LIN9: variants seen among roughly 807,000 people sequenced by gnomAD.
LIN9 encodes the protein lin-9 DREAM MuvB core complex component, also known as protein lin-9 homolog.
In LIN9, 18 loss-of-function variants were observed where a neutral mutation model predicts 78.0. That is an observed-to-expected ratio of 0.23 (90% CI 0.16 to 0.34). LIN9 has a LOEUF of 0.34. Among genes scored for constraint, LIN9 ranks in the 10% least tolerant of loss-of-function variants. LIN9 has a pLI of 1.00. For missense variants in LIN9, 451 were observed against 644.1 expected, an observed-to-expected ratio of 0.70 and a Z score of 3.25; for synonymous variants, 192 against 215.2, an observed-to-expected ratio of 0.89 and a Z score of 0.94.
At chr1:226,302,639 T>A (rs1378583763) in intron 1 of LIN9, among the ~76,000 whole-genome samples, 2 of 151,406 alleles carry the variant, frequency 1.3e-5, no homozygotes, top group East Asian at 3.9e-4. Flanking sequence ...GATGTATACA[T>A]TGCAAAGTCC....
At chr1:226,290,539 A>G (rs963215318) in intron 4 of LIN9, among the ~76,000 whole-genome samples, 1 of 151,380 alleles carries the variant, frequency 6.6e-6, no homozygotes, top group Admixed American at 6.6e-5. Flanking sequence ...ACGGGGTTTC[A>G]CCGTGTTAGC....
At chr1:226,238,489 G>A (rs956224080) in intron 12 of LIN9, among the ~76,000 whole-genome samples, 1 of 151,940 alleles carries the variant, frequency 6.6e-6, no homozygotes, top group Non-Finnish European at 1.5e-5. Context: ...TGGGCATGTC[G>A]TGCACCTGTG....
At chr1:226,269,956 C>G (rs1205708214) in intron 7 of LIN9, among the ~76,000 whole-genome samples, 1 of 152,160 alleles carries the variant, frequency 6.6e-6, no homozygotes, top group Non-Finnish European at 1.5e-5. Flanking sequence ...GGGAGTCTCG[C>G]TCCGTTGCCC....
At position 226,309,074 on chromosome 1, in the gene LIN9, G is replaced by A; in HGVS notation, c.31+35C>T. ...TGCAACCGCTGGGCAAGCAGCAGGC[G>A]GGAAAAGGGGGGGGTGCTTTGAGGT... On this transcript the variant is annotated intron_variant, in intron 1 of 14. Transcript: ENST00000681046. 2.3e-6 allele frequency: 3 copies of A among 1,308,734 alleles called. No individual in the cohort carries two copies. The East Asian group carries it at 8.5e-5, about 37-fold the overall frequency. 81.1% of individuals were successfully genotyped at this position (1,308,734 alleles called of 1,614,324 possible).
At position 226,286,487 on chromosome 1, in the gene LIN9, T is replaced by TTACATACA. The variant is rs762670586; in HGVS notation, c.399-37_399-30dup. ...TAAAACAGATATAGTATTTTAATGGTTACATACAATGTGTTACTTTCTTAA... is the reference window on the plus strand; with the variant it reads ...TAAAACAGATATAGTATTTTAATGGTTACATACATACATACAATGTGTTACTTTCTTAA... On this transcript the variant is annotated intron_variant, in intron 5 of 14. Coordinates refer to ENST00000681046, the MANE Select transcript of LIN9 (RefSeq NM_001366245.2). 28 of 1,499,012 alleles carry TTACATACA rather than the reference T, an allele frequency of 1.9e-5. No homozygotes were observed. In the South Asian group the frequency reaches 3.2e-4, roughly 17 times the overall value. The allele number at this position is 1,499,012 out of a possible 1,614,324, so 92.9% of individuals were successfully genotyped here.
chr1:226,239,814 T>G (rs1657986026), intron 11 of LIN9, among the ~76,000 whole-genome samples: 1 of 152,192 alleles, frequency 6.6e-6, no homozygotes, highest in African/African-American at 2.4e-5. Context: ...GCCATTTCCT[T>G]CCCTCTCTTC....
chr1:226,252,623 T>C (rs1315390686), intron 10 of LIN9, among the ~76,000 whole-genome samples: 2 of 152,120 alleles, frequency 1.3e-5, no homozygotes, highest in Non-Finnish European at 2.9e-5. Context: ...ATATTTGATA[T>C]TGACATTTAA....
chr1:226,239,607 C>G (rs1657971900), intron 11 of LIN9, among the ~76,000 whole-genome samples: 1 of 152,176 alleles, frequency 6.6e-6, no homozygotes, highest in South Asian at 2.1e-4. Context: ...TTCTTAATCT[C>G]TCTGTGCCTC....
chr1:226,293,364 C>T (rs547522817), intron 4 of LIN9, among the ~76,000 whole-genome samples: 1 of 152,090 alleles, frequency 6.6e-6, no homozygotes, highest in Non-Finnish European at 1.5e-5. Flanking sequence ...GATAGAGTTG[C>T]GACAGGACAG....
At chr1:226,305,728 T>C (rs2615803) in intron 1 of LIN9, among the ~76,000 whole-genome samples, 45,225 of 151,610 alleles carry the variant, frequency 0.3, 6,878 homozygotes, top group Middle Eastern at 0.34. Flanking sequence ...CCCCAAGGGA[T>C]AGAATGAGGG....
chr1:226,237,234 T>A (rs1657776003), intron 12 of LIN9, among the ~76,000 whole-genome samples: 1 of 152,218 alleles, frequency 6.6e-6, no homozygotes, highest in Non-Finnish European at 1.5e-5. Context: ...AGTCTGCATG[T>A]CTTGTGAATA....
intron 10 of LIN9, among the ~76,000 whole-genome samples, chr1:226,264,381 AAAAT>A (rs1356225236): frequency 6.6e-6 from 1 of 151,752 alleles, no homozygotes; most frequent in South Asian, 2.1e-4. Context: ...TGTCTCAAAT[AAAAT>A]AAATAAACAA....
intron 12 of LIN9, among the ~76,000 whole-genome samples, chr1:226,236,064 G>A (rs1329727880): frequency 6.6e-6 from 1 of 151,988 alleles, no homozygotes; most frequent in Non-Finnish European, 1.5e-5. Flanking sequence ...TCAATTGTGT[G>A]GATGTACCAT....
intron 1 of LIN9, among the ~76,000 whole-genome samples, chr1:226,302,723 A>C (rs536837335): frequency 6.6e-6 from 1 of 152,316 alleles, no homozygotes; most frequent in South Asian, 2.1e-4. Flanking sequence ...TAGGAACAAA[A>C]ATCAGAGAGG....
At chr1:226,293,589 T>G (rs1251992882) in intron 4 of LIN9, among the ~76,000 whole-genome samples, 1 of 152,248 alleles carries the variant, frequency 6.6e-6, no homozygotes, top group Non-Finnish European at 1.5e-5. Flanking sequence ...TTATTTTAAT[T>G]TATTTTTTGA....
intron 10 of LIN9, among the ~76,000 whole-genome samples, chr1:226,258,281 T>G (rs987439770): frequency 2.0e-5 from 3 of 148,632 alleles, no homozygotes; most frequent in African/African-American, 7.5e-5. Context: ...CAGGCAGATT[T>G]CTTGTGGTCA....
chr1:226,270,251 CAG>C (rs1257825402), intron 7 of LIN9, among the ~76,000 whole-genome samples: 1 of 151,972 alleles, frequency 6.6e-6, no homozygotes, highest in Non-Finnish European at 1.5e-5. Flanking sequence ...TATGCAGACA[CAG>C]GGGTAACTCT....
chr1:226,265,448 G>T lies in LIN9; in HGVS notation c.1038+85C>A. 1.4e-6 allele frequency: 1 copy of T among 698,456 alleles called. No individual in the cohort carries two copies. The highest frequency in any genetic ancestry group is 1.9e-5 in the South Asian group (1 of 53,568). 43.3% of individuals were successfully genotyped at this position (698,456 alleles called of 1,614,324 possible). ...AACCTACACGGTGATAAACCTACAC[G>T]GCCCTAGAAAAATTTTCAACTTTAA... On this transcript the variant is annotated intron_variant, in intron 10 of 14. Transcript: ENST00000681046. This position sits in a 1 kb window ranked among gnomAD's most constrained non-coding sequence, Gnocchi z 4.1.
chr1:226,303,379 T>C (rs1432925153), intron 1 of LIN9, among the ~76,000 whole-genome samples: 1 of 151,496 alleles, frequency 6.6e-6, no homozygotes, highest in Non-Finnish European at 1.5e-5. Flanking sequence ...CTGGAAAAAA[T>C]AAAGCAGAAG....
Sources: allele counts gnomAD v4.1 joint callset (sites outside exome capture counted in the v4.1 genomes callset), GRCh38; gene constraint gnomAD v4.1.1; non-coding constraint Gnocchi (gnomAD v3.1); transcripts MANE v1.5; gene names NCBI Gene and HGNC (gene_info 2026-07-23, HGNC 2026-07-21).